The following EPB41L4B variants were observed in gnomAD, a reference collection of about 807,000 sequenced individuals.
EPB41L4B encodes erythrocyte membrane protein band 4.1 like 4B.
EPB41L4B carries 30 observed loss-of-function variants against 112.5 expected under a neutral mutation model. The ratio of observed to expected loss-of-function variants is 0.27; its 90% CI spans 0.20 to 0.36. The LOEUF (loss-of-function observed/expected upper bound fraction) is 0.36. Among genes scored for constraint, EPB41L4B ranks in the 10% least tolerant of loss-of-function variants. The pLI, the probability that EPB41L4B is intolerant of heterozygous loss-of-function variation, is 1.00. For synonymous variants in EPB41L4B, 408 were observed against 439.7 expected (o/e 0.93, Z 0.90); for missense variants, 1,024 against 1,133.3 (o/e 0.90, Z 1.38).
At chr9:109,281,208 G>C (rs902656362) in intron 1 of EPB41L4B, among the ~76,000 whole-genome samples, 2 of 150,692 alleles carry the variant, frequency 1.3e-5, no homozygotes, top group Middle Eastern at 3.4e-3. Flanking sequence ...TGCAAATCTA[G>C]AATATATAAA....
chr9:109,177,843 A>G (rs1023326555), intron 24 of EPB41L4B, among the ~76,000 whole-genome samples: 4 of 151,804 alleles, frequency 2.6e-5, no homozygotes, highest in Non-Finnish European at 4.4e-5. Context: ...AAGTAGATCA[A>G]TGAAGAAATT....
At chr9:109,290,756 TCA>T (rs138900441) in intron 1 of EPB41L4B, among the ~76,000 whole-genome samples, 25,774 of 141,064 alleles carry the variant, frequency 0.18, 2,585 homozygotes, top group Admixed American at 0.23. Flanking sequence ...TATATATACC[TCA>T]CACACACACA....
rs780728660 is a variant in EPB41L4B at position 109,200,201 on chromosome 9, T to G, written c.2045+35A>C. The G allele has an allele frequency of 3.9e-6, 6 of 1,536,708 alleles. No homozygotes were observed. The East Asian group carries it at 1.3e-4, about 35-fold the overall frequency. On this transcript the variant is annotated intron_variant, in intron 20 of 25. Transcript: ENST00000374566. ...TATCTAAACAATTAGTCATCATAGTTGTTTTAATTGAAAAAGTTGCAGTAC... is the reference window on the plus strand; with the variant it reads ...TATCTAAACAATTAGTCATCATAGTGGTTTTAATTGAAAAAGTTGCAGTAC...
rs553235555 is a variant in EPB41L4B at position 109,279,832 on chromosome 9, G to A, written c.396C>T (p.Asp132=). 1.1e-5 allele frequency: 18 copies of A among 1,614,070 alleles called. No homozygotes were observed. The South Asian group carries it at 1.8e-4, about 16-fold the overall frequency. The change falls in exon 2 of 26, where the codon GAC becomes GAT. Residue 132 remains aspartate (D), a synonymous_variant. Coordinates refer to ENST00000374566, the MANE Select transcript of EPB41L4B (RefSeq NM_019114.5). ...ETDYFGLQFL[D]SAQVAHWLDH... ...AATAACCTACCGCAACCTGGGCAGA[G>A]TCGAGGAACTGGAGGCCAAAGTAAT...
chr9:109,305,133 G>T (rs1367410735), intron 1 of EPB41L4B, among the ~76,000 whole-genome samples: 1 of 147,510 alleles, frequency 6.8e-6, no homozygotes, highest in Non-Finnish European at 1.5e-5. Flanking sequence ...CCCACCCAAG[G>T]CAAAAAAATG....
intron 23 of EPB41L4B, among the ~76,000 whole-genome samples, chr9:109,184,572 G>A (rs1324881897): frequency 6.6e-6 from 1 of 152,196 alleles, no homozygotes; most frequent in African/African-American, 2.4e-5. Context: ...CAATCTCAAA[G>A]AATTATTTTA....
intron 22 of EPB41L4B, among the ~76,000 whole-genome samples, chr9:109,187,785 A>G (rs1832322072): frequency 6.6e-6 from 1 of 152,244 alleles, no homozygotes; most frequent in African/African-American, 2.4e-5. Context: ...TGTCCTGGCC[A>G]CCAACTGAAG....
rs1834953287 is a variant in EPB41L4B at position 109,255,684 on chromosome 9, A to C, written c.1000-4T>G. On this transcript the variant is annotated splice_polypyrimidine_tract_variant and splice_region_variant and intron_variant, in intron 10 of 25. Coordinates refer to ENST00000374566, the MANE Select transcript of EPB41L4B (RefSeq NM_019114.5). Reference sequence around the variant, plus strand: ...ACGTGTGCTCTTGCTCACGTCCCTTAAAGAGGAAGCACAAGGGCCTCGAGT... The same window carrying C: ...ACGTGTGCTCTTGCTCACGTCCCTTCAAGAGGAAGCACAAGGGCCTCGAGT... 6.2e-7 allele frequency: 1 copy of C among 1,611,936 alleles called. No homozygotes were observed. The highest frequency in any genetic ancestry group is 8.5e-7 in the Non-Finnish European group (1 of 1,178,130).
chr9:109,211,428 C>A (rs575199259), intron 17 of EPB41L4B, among the ~76,000 whole-genome samples: 2 of 151,724 alleles, frequency 1.3e-5, no homozygotes, highest in Non-Finnish European at 2.9e-5. Flanking sequence ...AATCCCATGT[C>A]TACTAAAAAT....
chr9:109,268,964 T>C (rs1279166924), intron 2 of EPB41L4B, among the ~76,000 whole-genome samples: 1 of 151,470 alleles, frequency 6.6e-6, no homozygotes, highest in Non-Finnish European at 1.5e-5. Flanking sequence ...GGGGACTCCC[T>C]AGTTTCTGGA....
chr9:109,299,401 G>A (rs1466860419), intron 1 of EPB41L4B, among the ~76,000 whole-genome samples: 1 of 152,056 alleles, frequency 6.6e-6, no homozygotes, highest in Non-Finnish European at 1.5e-5. Context: ...TCAGCCTCCT[G>A]AGCAGGTGAG....
At chr9:109,232,506 A>T (rs1000163732) in intron 15 of EPB41L4B, among the ~76,000 whole-genome samples, 2 of 152,190 alleles carry the variant, frequency 1.3e-5, no homozygotes, top group Non-Finnish European at 2.9e-5. Flanking sequence ...AGTGTAAAAT[A>T]ATGTCCACAA....
chr9:109,315,499 T>C (rs1030609187), intron 1 of EPB41L4B, among the ~76,000 whole-genome samples: 2 of 152,230 alleles, frequency 1.3e-5, no homozygotes, highest in African/African-American at 4.8e-5. Context: ...CCCTCTTCCA[T>C]GATCCTGTGT....
chr9:109,217,732 T>TGTTTTTAAATTTTTTGTAGAGACA (rs1833425087), intron 15 of EPB41L4B, among the ~76,000 whole-genome samples: 1 of 152,122 alleles, frequency 6.6e-6, no homozygotes, highest in Non-Finnish European at 1.5e-5. Flanking sequence ...ACACCATGCC[T>TGTTTTTAAATTTTTTGTAGAGACA]GGCTAATTTT....
intron 15 of EPB41L4B, 148 bp from the exon 16 acceptor site, chr9:109,217,293 G>A (rs999020835): frequency 1.5e-6 from 1 of 670,610 alleles, no homozygotes; most frequent in Non-Finnish European, 2.5e-6. Flanking sequence ...ATATACAATG[G>A]TAATATTATA....
rs1229714351 is a variant in EPB41L4B at position 109,217,014 on chromosome 9, T to C, written c.1541A>G (p.His514Arg). 6.2e-7 allele frequency: 1 copy of C among 1,614,218 alleles called. No individual in the cohort carries two copies. Among genetic ancestry groups the C allele is most frequent in the Non-Finnish European group, 8.5e-7 (1 of 1,180,050 alleles). The change falls in exon 16 of 26, where the codon CAC becomes CGC. Residue 514 changes from histidine to arginine, a missense_variant. By Grantham distance (29) the His-to-Arg change is conservative. Transcript: ENST00000374566. The part of the protein sequence containing the change: ...HHHQHQHQHQ[H>R]QHHSNYSLSL... ...GAGGCTGTAGTTTGAGTGGTGCTGG[T>C]GCTGATGCTGATGCTGGTGCTGGTG... is the stretch of plus-strand genomic sequence containing the variant.
chr9:109,262,452 G>GGT (rs1554756264), intron 6 of EPB41L4B, among the ~76,000 whole-genome samples: 147 of 149,654 alleles, frequency 9.8e-4, no homozygotes, highest in Admixed American at 1.2e-3. Flanking sequence ...TGTGTGTGGG[G>GGT]GTGTGTGTGT....
In EPB41L4B at chr9:109,248,064, T is replaced by C. The variant is rs915932339; in HGVS notation, c.1311-275A>G. On this transcript the variant is annotated intron_variant, in intron 13 of 25. Coordinates refer to ENST00000374566, the MANE Select transcript of EPB41L4B (RefSeq NM_019114.5). ...ATGCAGTCTCAATGTCATATTTTGG[T>C]GACAAAAATGAGGTCCTGTTTCAGT... 2.2e-4 allele frequency among the ~76,000 whole-genome samples: 33 copies of C among 152,294 alleles called. No individual in the cohort carries two copies. The East Asian group carries it at 3.7e-3, about 17-fold the overall frequency.
intron 7 of EPB41L4B, among the ~76,000 whole-genome samples, chr9:109,257,262 G>A (rs1835017087): frequency 6.6e-6 from 1 of 152,158 alleles, no homozygotes; most frequent in Non-Finnish European, 1.5e-5. Context: ...AGGGTGACCT[G>A]GAGGAGGCAG....
Sources: gnomAD v4.1 joint callset for allele counts (sites outside exome capture counted in the v4.1 genomes callset) on GRCh38, gnomAD v4.1.1 for gene constraint, MANE v1.5 for transcripts, NCBI Gene and HGNC (gene_info 2026-07-23, HGNC 2026-07-21) for gene names.